Variants in PEBP4 observed in about 807,000 individuals in gnomAD.
PEBP4 encodes the protein phosphatidylethanolamine-binding protein 4.
A neutral mutation model predicts 23.9 loss-of-function variants in PEBP4; 22 were observed. That is an observed-to-expected ratio of 0.92 (90% CI 0.66 to 1.31). The LOEUF is 1.31. Among genes scored for constraint, PEBP4 ranks in the 40% most tolerant of loss-of-function variants. The probability of loss-of-function intolerance (pLI) is 0.00; values close to 1 mark genes in which losing one functional copy is unlikely to be tolerated. For synonymous variants in PEBP4, 112 were observed against 99.3 expected, an observed-to-expected ratio of 1.13 and a Z score of -0.76; for missense variants, 324 against 281.7, an observed-to-expected ratio of 1.15 and a Z score of -1.07.
At chr8:22,859,002 TG>T (rs1180940252) in intron 3 of PEBP4, among the ~76,000 whole-genome samples, 2 of 152,186 alleles carry the variant, frequency 1.3e-5, no homozygotes, top group Non-Finnish European at 2.9e-5. Flanking sequence ...TGTGGTCATC[TG>T]GTTTGGACTC....
chr8:22,848,690 C>T (rs1353295525), intron 3 of PEBP4, among the ~76,000 whole-genome samples: 1 of 152,020 alleles, frequency 6.6e-6, no homozygotes, highest in South Asian at 2.1e-4. Context: ...GGTGGAGACA[C>T]AGGACTCTTA....
intron 6 of PEBP4, among the ~76,000 whole-genome samples, chr8:22,714,108 G>A (rs568628927): frequency 3.9e-5 from 6 of 152,240 alleles, no homozygotes; most frequent in African/African-American, 9.6e-5. Context: ...CCATGGCAGA[G>A]GTGGAGGGGC....
intron 3 of PEBP4, among the ~76,000 whole-genome samples, chr8:22,898,823 G>A (rs1003009722): frequency 5.9e-5 from 9 of 152,198 alleles, no homozygotes; most frequent in African/African-American, 2.2e-4. Context: ...ATAAAGGGGT[G>A]AATTTGGAGG....
intron 4 of PEBP4, among the ~76,000 whole-genome samples, chr8:22,752,643 G>C (rs765446718): frequency 3.5e-4 from 53 of 152,222 alleles, no homozygotes; most frequent in Non-Finnish European, 1.5e-4. Context: ...CTTGCAACCA[G>C]AAAGTCTGGG....
intron 4 of PEBP4, among the ~76,000 whole-genome samples, chr8:22,787,083 A>G (rs1002875179): frequency 6.6e-6 from 1 of 152,116 alleles, no homozygotes; most frequent in African/African-American, 2.4e-5. Flanking sequence ...TCGGCTTCCC[A>G]AGAGTGCTGG....
chr8:22,891,873 A>AC (rs987758203), intron 3 of PEBP4, among the ~76,000 whole-genome samples: 1 of 152,224 alleles, frequency 6.6e-6, no homozygotes, highest in African/African-American at 2.4e-5. Flanking sequence ...GGAGATCGAG[A>AC]CCATCTTGGC....
At chr8:22,744,412 C>T (rs1466459305) in intron 4 of PEBP4, among the ~76,000 whole-genome samples, 1 of 152,148 alleles carries the variant, frequency 6.6e-6, no homozygotes, top group Non-Finnish European at 1.5e-5. Flanking sequence ...CAGGGTCTGC[C>T]GGTGGAAAAA....
chr8:22,802,163 G>A (rs561785770), intron 4 of PEBP4, among the ~76,000 whole-genome samples: 1 of 152,218 alleles, frequency 6.6e-6, no homozygotes, highest in East Asian at 1.9e-4. Context: ...AACAGAACCC[G>A]CTGCAGGAGG....
chr8:22,852,690 AG>A (rs1311353451), intron 3 of PEBP4, among the ~76,000 whole-genome samples: 1 of 152,162 alleles, frequency 6.6e-6, no homozygotes, highest in Admixed American at 6.5e-5. Flanking sequence ...AAAAAAAATA[AG>A]AAAGAAAGAA....
Position 22,823,647 on chromosome 8 carries a change from A to G in PEBP4, c.259-5912T>C, listed in dbSNP as rs900158222. Among the ~76,000 whole-genome samples the G allele has an allele frequency of 3.3e-5, 5 of 152,168 alleles. No individual in the cohort carries two copies. In the East Asian group the frequency reaches 9.6e-4, roughly 29 times the overall value. On this transcript the variant is annotated intron_variant, in intron 3 of 6. Coordinates refer to ENST00000256404, the MANE Select transcript of PEBP4 (RefSeq NM_144962.3). Reference sequence around the variant, plus strand: ...TAAATGTCATGAAGGGAAGATTGATATATCTAACTAGATATAATTTTGACT... The same window carrying G: ...TAAATGTCATGAAGGGAAGATTGATGTATCTAACTAGATATAATTTTGACT...
At chr8:22,892,836 T>C (rs1403434788) in intron 3 of PEBP4, among the ~76,000 whole-genome samples, 2 of 152,186 alleles carry the variant, frequency 1.3e-5, no homozygotes, top group Non-Finnish European at 2.9e-5. Flanking sequence ...ATGAAGGTCT[T>C]ACAATCACCC....
intron 4 of PEBP4, among the ~76,000 whole-genome samples, chr8:22,739,214 G>A (rs1004219356): frequency 2.0e-5 from 3 of 152,084 alleles, no homozygotes; most frequent in Non-Finnish European, 4.4e-5. Flanking sequence ...ATGGGGTGGG[G>A]GGCACCCCAG....
intron 5 of PEBP4, among the ~76,000 whole-genome samples, chr8:22,725,209 T>C (rs1804599817): frequency 6.6e-6 from 1 of 152,216 alleles, no homozygotes; most frequent in African/African-American, 2.4e-5. Flanking sequence ...TTGAAGGCCT[T>C]GGGTGCTGGC....
intron 4 of PEBP4, among the ~76,000 whole-genome samples, chr8:22,741,566 G>A (rs1464135929): frequency 6.6e-6 from 1 of 152,214 alleles, no homozygotes; most frequent in Non-Finnish European, 1.5e-5. Context: ...TACTGACAGA[G>A]CCCCAGGGAG....
intron 5 of PEBP4, 135 bp downstream of exon 5, chr8:22,727,040 G>A: frequency 1.1e-6 from 1 of 896,654 alleles, no homozygotes; most frequent in Non-Finnish European, 1.8e-6. Context: ...GGCAGTTGTG[G>A]AGATGAAATC....
At chr8:22,898,894 G>A (rs1808652794) in intron 3 of PEBP4, among the ~76,000 whole-genome samples, 1 of 152,230 alleles carries the variant, frequency 6.6e-6, no homozygotes, top group South Asian at 2.1e-4. Flanking sequence ...AAGGCAGAGA[G>A]GGACGGGCCC....
At chr8:22,796,485 A>G (rs1806263129) in intron 4 of PEBP4, among the ~76,000 whole-genome samples, 1 of 152,228 alleles carries the variant, frequency 6.6e-6, no homozygotes, top group Non-Finnish European at 1.5e-5. Flanking sequence ...ATCAGTAATC[A>G]GCAGCTGGGA....
At chr8:22,781,858 A>T (rs754337282) in intron 4 of PEBP4, among the ~76,000 whole-genome samples, 9 of 152,186 alleles carry the variant, frequency 5.9e-5, no homozygotes, top group Non-Finnish European at 1.3e-4. Flanking sequence ...AGGGGGAGCC[A>T]ACCAGGCATC....
Position 22,795,760 on chromosome 8 carries a change from A to AT in PEBP4, c.357+21876dup, listed in dbSNP as rs907895613. Among the ~76,000 whole-genome samples, 18 of 151,852 alleles carry AT rather than the reference A, an allele frequency of 1.2e-4. 1 individual carries two copies. Among genetic ancestry groups the AT allele is most frequent in the Middle Eastern group, 6.8e-3 (2 of 294 alleles). On this transcript the variant is annotated intron_variant, in intron 4 of 6. Transcript: ENST00000256404. ...AAGTCTTTTACATTCTACATGAAAG[A>AT]TTTTTTTTTCCATTTAAATGCTTCA...
Sources: gnomAD v4.1 joint callset for allele counts (sites outside exome capture counted in the v4.1 genomes callset) on GRCh38, gnomAD v4.1.1 for gene constraint, MANE v1.5 for transcripts, NCBI Gene and HGNC (gene_info 2026-07-23, HGNC 2026-07-21) for gene names.